LARGE1: variants seen among roughly 807,000 people sequenced by gnomAD.
The protein encoded by LARGE1 is xylosyl- and glucuronyltransferase LARGE1.
Under a neutral mutation model 87.6 loss-of-function variants are expected in LARGE1, and 43 were observed. The observed-to-expected ratio is 0.49, with a 90% CI of 0.38 to 0.63. LARGE1 has a LOEUF of 0.63. LARGE1 is among the 30% of genes least tolerant of loss of function. The pLI, the probability that LARGE1 is intolerant of heterozygous loss-of-function variation, is 0.00. For synonymous variants in LARGE1, 434 were observed against 394.6 expected (o/e 1.10, Z -1.18); for missense variants, 802 against 1,000.2 (o/e 0.80, Z 2.67).
At chr22:33,463,893 C>T (rs9621701) in intron 6 of LARGE1, among the ~76,000 whole-genome samples, 3,100 of 152,186 alleles carry the variant, frequency 0.02, 96 homozygotes, top group African/African-American at 0.071. Context: ...AGGCTGGTCT[C>T]GAACTCCTGA....
At chr22:33,448,095 G>A (rs1481243766) in intron 6 of LARGE1, among the ~76,000 whole-genome samples, 1 of 152,030 alleles carries the variant, frequency 6.6e-6, no homozygotes, top group African/African-American at 2.4e-5. Context: ...GGGACAGGGA[G>A]AGGGGGGTGT....
At chr22:33,898,406 C>T (rs968216822) in intron 1 of LARGE1, among the ~76,000 whole-genome samples, 10 of 152,288 alleles carry the variant, frequency 6.6e-5, no homozygotes, top group Admixed American at 6.5e-4. Context: ...CACTTTACAC[C>T]ACGTAACCCT....
intron 1 of LARGE1, among the ~76,000 whole-genome samples, chr22:33,903,602 G>A (rs778603585): frequency 8.5e-5 from 13 of 152,116 alleles, no homozygotes; most frequent in Non-Finnish European, 1.2e-4. Flanking sequence ...CAAGGCAGGC[G>A]GATCACGAGG....
At chr22:33,671,815 G>A (rs1208488299) in intron 2 of LARGE1, among the ~76,000 whole-genome samples, 1 of 152,154 alleles carries the variant, frequency 6.6e-6, no homozygotes, top group East Asian at 1.9e-4. Flanking sequence ...CATCGCCAAG[G>A]TCTGATTGCA....
At chr22:33,832,160 T>TA (rs756812398) in intron 1 of LARGE1, among the ~76,000 whole-genome samples, 16 of 151,996 alleles carry the variant, frequency 1.1e-4, no homozygotes, top group Non-Finnish European at 1.9e-4. Flanking sequence ...TCAGCATGAG[T>TA]CCTGGCACCT....
chr22:33,145,266 C>G, the LARGE1 span, among the ~76,000 whole-genome samples: 1 of 152,114 alleles, frequency 6.6e-6, no homozygotes, highest in African/African-American at 2.4e-5. Flanking sequence ...GATATGCCCA[C>G]CCCTACCACC....
At chr22:33,240,851 G>A (rs186897524) in intron 11 of LARGE1, among the ~76,000 whole-genome samples, 1 of 152,036 alleles carries the variant, frequency 6.6e-6, no homozygotes, top group Non-Finnish European at 1.5e-5. Context: ...GTCTGTGTCT[G>A]AGCCCCTTAT....
rs1928481994 is a variant in LARGE1, at chr22:33,273,161, G to A, written c.*1266C>T. ...ACTCAATACAAACAGCCCAGCAGAG[G>A]GTAGGGCATTAACTCTTGTTCTCAT... On this transcript the variant is annotated 3_prime_UTR_variant, in exon 15 of 15. Coordinates refer to ENST00000397394, the MANE Select transcript of LARGE1 (RefSeq NM_133642.5). 1 of 365,240 alleles carries A rather than the reference G, an allele frequency of 2.7e-6. No homozygotes were observed. Among genetic ancestry groups the A allele is most frequent in the Non-Finnish European group, 4.9e-6 (1 of 205,748 alleles). The allele number at this position is 365,240 out of a possible 1,614,324, so 22.6% of individuals were successfully genotyped here.
chr22:33,919,237 T>G (rs1419484019), intron 1 of LARGE1, among the ~76,000 whole-genome samples: 1 of 152,098 alleles, frequency 6.6e-6, no homozygotes, highest in Non-Finnish European at 1.5e-5. Context: ...GCTCACAGGT[T>G]TAATAAATTT....
intron 11 of LARGE1, among the ~76,000 whole-genome samples, chr22:33,184,088 C>CTATATATATATATATATATATATATATA (rs144013990): frequency 0.021 from 2,205 of 104,318 alleles, 160 homozygotes; most frequent in Middle Eastern, 0.027. Context: ...AATCAGTACA[C>CTATATATATATATATATATATATATATA]TATATATATA....
At chr22:33,574,391 T>C (rs1025471608) in intron 5 of LARGE1, among the ~76,000 whole-genome samples, 1 of 152,204 alleles carries the variant, frequency 6.6e-6, no homozygotes, top group Non-Finnish European at 1.5e-5. Context: ...ACAGTTGTTA[T>C]ACTGTATTGT....
intron 2 of LARGE1, among the ~76,000 whole-genome samples, chr22:33,651,223 T>TAAAAAAAAAA (rs1371688457): frequency 5.8e-5 from 1 of 17,142 alleles, no homozygotes; most frequent in African/African-American, 4.7e-4. Context: ...CTACTAAAAA[T>TAAAAAAAAAA]ACAAAAAAAA....
At chr22:33,843,470 A>AATAC (rs1555883350) in intron 1 of LARGE1, among the ~76,000 whole-genome samples, 6 of 146,964 alleles carry the variant, frequency 4.1e-5, no homozygotes, top group Non-Finnish European at 9.0e-5. Flanking sequence ...TAAATAAATA[A>AATAC]AAATAAAAAA....
At chr22:33,247,576 A>G (rs940015777) in intron 11 of LARGE1, among the ~76,000 whole-genome samples, 3 of 152,288 alleles carry the variant, frequency 2.0e-5, no homozygotes, top group African/African-American at 7.2e-5. Context: ...TTGAAAGATT[A>G]GCTGAAAGCT....
intron 11 of LARGE1, among the ~76,000 whole-genome samples, chr22:33,214,244 T>A (rs1221486288): frequency 1.3e-5 from 2 of 152,196 alleles, no homozygotes; most frequent in Non-Finnish European, 2.9e-5. Flanking sequence ...TCTTCTTCAC[T>A]TGTAGATGGC....
intron 1 of LARGE1, among the ~76,000 whole-genome samples, chr22:33,874,657 G>A (rs764368628): frequency 1.2e-4 from 19 of 152,172 alleles, no homozygotes; most frequent in Non-Finnish European, 1.0e-4. Flanking sequence ...GGAAAGTGTG[G>A]AGTCAGGTCC....
chr22:33,815,429 A>G (rs767135141), intron 1 of LARGE1, among the ~76,000 whole-genome samples: 1 of 152,198 alleles, frequency 6.6e-6, no homozygotes, highest in Non-Finnish European at 1.5e-5. Context: ...TTCTGTGAAT[A>G]TTGCCCATTT....
At chr22:33,453,232 T>C (rs1198693615) in intron 6 of LARGE1, among the ~76,000 whole-genome samples, 1 of 152,048 alleles carries the variant, frequency 6.6e-6, no homozygotes, top group East Asian at 1.9e-4. Flanking sequence ...CTGGCCAATA[T>C]GGTGAAACCC....
intron 11 of LARGE1, among the ~76,000 whole-genome samples, chr22:33,238,238 T>C (rs1326040066): frequency 6.6e-6 from 1 of 151,904 alleles, no homozygotes; most frequent in Non-Finnish European, 1.5e-5. Context: ...ACCAGGAAAA[T>C]TAGCCAGAAT....
Sources: gnomAD v4.1 joint callset for allele counts (sites outside exome capture counted in the v4.1 genomes callset) on GRCh38, gnomAD v4.1.1 for gene constraint, MANE v1.5 for transcripts, NCBI Gene and HGNC (gene_info 2026-07-23, HGNC 2026-07-21) for gene names.